ZNF184: variants seen among roughly 807,000 people sequenced by gnomAD.
ZNF184 encodes the protein zinc finger protein 184.
ZNF184 carries 16 observed loss-of-function variants against 54.4 expected under a neutral mutation model. That is an observed-to-expected ratio of 0.29 (90% CI 0.20 to 0.45). The LOEUF is 0.45. Among genes scored for constraint, ZNF184 ranks in the 20% least tolerant of loss-of-function variants. The pLI is 1.00. For missense variants in ZNF184, 681 were observed against 888.2 expected, an observed-to-expected ratio of 0.77 and a Z score of 2.97; for synonymous variants, 254 against 295.3, an observed-to-expected ratio of 0.86 and a Z score of 1.43.
the ZNF184 span, among the ~76,000 whole-genome samples, chr6:27,413,975 C>T: frequency 2.4e-3 from 363 of 152,274 alleles, 1 homozygote; most frequent in African/African-American, 6.1e-3. Context: ...TTTGAGATCT[C>T]AAGAACTACT....
chr6:27,411,579 CAA>C, the ZNF184 span, among the ~76,000 whole-genome samples: 1 of 152,310 alleles, frequency 6.6e-6, no homozygotes, highest in East Asian at 1.9e-4. Context: ...ATCTTTAATA[CAA>C]AGTCAATAAG....
chr6:27,435,779 C>T, the ZNF184 span, among the ~76,000 whole-genome samples: 11 of 152,126 alleles, frequency 7.2e-5, no homozygotes, highest in South Asian at 2.1e-4. Context: ...TTCAATAATG[C>T]TGTAGACCCA....
Position 27,453,322 on chromosome 6 carries a change from G to T in ZNF184, c.299-62C>A. 7.0e-7 allele frequency: 1 copy of T among 1,427,014 alleles called. No individual in the cohort carries two copies. Among genetic ancestry groups the T allele is most frequent in the African/African-American group, 1.4e-5 (1 of 69,886 alleles). The allele number at this position is 1,427,014 out of a possible 1,614,324, so 88.4% of individuals were successfully genotyped here. A position where few individuals can be genotyped will look rare whatever the true frequency, so the allele number is the denominator to read the frequency against. On this transcript the variant is annotated intron_variant, in intron 5 of 5. Transcript: ENST00000683788. This position sits in a 1 kb window ranked among gnomAD's most constrained non-coding sequence, Gnocchi z 4.7. ...GAGAAAAAATAAACTGCTATTGTGG[G>T]AATAATATAATGATACTGAAAAATA...
rs779933617 is a variant in ZNF184 at position 27,451,496 on chromosome 6, T to C, written c.2063A>G (p.His688Arg). The stretch of plus-strand genomic sequence containing the variant: ...TTTCTCTCCAGTATGAGTATTCTGA[T>C]GTTCAGTCAGATGAGTGCTCCGGCT... Reference protein sequence around the residue: ...AFSRSTHLTEHQNTHTGEKPY... With the variant: ...AFSRSTHLTERQNTHTGEKPY... The change falls in exon 6 of 6, where the codon CAT becomes CGT. Residue 688 changes from histidine to arginine, a missense_variant. By Grantham distance (29) the His-to-Arg change is conservative. Transcript: ENST00000683788. 1 of 1,614,204 alleles carries C rather than the reference T, an allele frequency of 6.2e-7. No individual in the cohort carries two copies. The highest frequency in any genetic ancestry group is 8.5e-7 in the Non-Finnish European group (1 of 1,180,014).
chr6:27,462,221 G>A (rs1037269567), intron 3 of ZNF184, among the ~76,000 whole-genome samples: 28 of 151,162 alleles, frequency 1.9e-4, no homozygotes, highest in African/African-American at 2.7e-4. Flanking sequence ...TTTTTGAGGC[G>A]GAGTTTCTCT....
chr6:27,439,442 G>T, the ZNF184 span, among the ~76,000 whole-genome samples: 1 of 152,142 alleles, frequency 6.6e-6, no homozygotes, highest in Non-Finnish European at 1.5e-5. Flanking sequence ...CCACGACATT[G>T]TCTGCTCCTG....
At chr6:27,411,088 A>C in the ZNF184 span, among the ~76,000 whole-genome samples, 1 of 152,186 alleles carries the variant, frequency 6.6e-6, no homozygotes, top group Non-Finnish European at 1.5e-5. Context: ...TAGAAGTCCA[A>C]TGTCAAGGCA....
the ZNF184 span, among the ~76,000 whole-genome samples, chr6:27,413,264 A>C: frequency 1.3e-5 from 2 of 152,074 alleles, no homozygotes; most frequent in Non-Finnish European, 2.9e-5. Context: ...TGTCTCAAAG[A>C]AAGAAAGAAA....
the ZNF184 span, among the ~76,000 whole-genome samples, chr6:27,411,170 G>T: frequency 2.6e-5 from 4 of 152,146 alleles, no homozygotes; most frequent in Non-Finnish European, 5.9e-5. Context: ...AACCTCCAGA[G>T]GGGACAAATG....
chr6:27,462,846 CAG>C (rs1763031812), intron 3 of ZNF184, among the ~76,000 whole-genome samples: 1 of 144,440 alleles, frequency 6.9e-6, no homozygotes, highest in African/African-American at 2.6e-5. Context: ...GCCTGGGCGA[CAG>C]AGTGAGACTC....
At chr6:27,442,866 GAAAGAAAGAAAGAAAA>G in the ZNF184 span, among the ~76,000 whole-genome samples, 6 of 60,304 alleles carry the variant, frequency 9.9e-5, no homozygotes, top group African/African-American at 3.5e-4. Flanking sequence ...AAGAAAGAAA[GAAAGAAAGAAAGAAAA>G]AGAAAAAAAG....
At chr6:27,454,866 G>A (rs1199221083) in intron 5 of ZNF184, among the ~76,000 whole-genome samples, 3 of 152,216 alleles carry the variant, frequency 2.0e-5, no homozygotes, top group Non-Finnish European at 4.4e-5. Context: ...GATGTCCCAT[G>A]TGTGGAGAAG....
At chr6:27,422,493 C>CA in the ZNF184 span, among the ~76,000 whole-genome samples, 636 of 148,392 alleles carry the variant, frequency 4.3e-3, 5 homozygotes, top group African/African-American at 0.013. Context: ...AACAAAACGA[C>CA]AAAAAAAAAA....
chr6:27,424,298 G>A, the ZNF184 span, among the ~76,000 whole-genome samples: 3 of 152,222 alleles, frequency 2.0e-5, no homozygotes, highest in South Asian at 2.1e-4. Flanking sequence ...TGAGCACAAA[G>A]AGTAAGCAGC....
chr6:27,422,717 A>G, the ZNF184 span, among the ~76,000 whole-genome samples: 3 of 152,122 alleles, frequency 2.0e-5, no homozygotes, highest in Non-Finnish European at 4.4e-5. Flanking sequence ...CCCAGAGGCA[A>G]ATCAGCACTA....
chr6:27,429,431 T>TC, the ZNF184 span, among the ~76,000 whole-genome samples: 1 of 152,214 alleles, frequency 6.6e-6, no homozygotes, highest in African/African-American at 2.4e-5. Flanking sequence ...TTAACCTATG[T>TC]CCCTCTCTGG....
the ZNF184 span, among the ~76,000 whole-genome samples, chr6:27,435,281 A>G: frequency 6.6e-6 from 1 of 152,156 alleles, no homozygotes; most frequent in Admixed American, 6.5e-5. Context: ...TTCCAATCCA[A>G]TGCAATGTCT....
At chr6:27,413,085 C>A in the ZNF184 span, among the ~76,000 whole-genome samples, 1 of 145,494 alleles carries the variant, frequency 6.9e-6, no homozygotes, top group African/African-American at 2.7e-5. Flanking sequence ...ATGGAGAAAC[C>A]CTGTCTCTAC....
chr6:27,446,423 T>G (rs1186967431), downstream of ZNF184, among the ~76,000 whole-genome samples: 1 of 152,194 alleles, frequency 6.6e-6, no homozygotes, highest in Non-Finnish European at 1.5e-5. Context: ...AGCTTGGCAG[T>G]GTCCATGTGG....
Sources: gnomAD v4.1 joint callset for allele counts (sites outside exome capture counted in the v4.1 genomes callset) on GRCh38, gnomAD v4.1.1 for gene constraint, Gnocchi (gnomAD v3.1) non-coding constraint, MANE v1.5 for transcripts, NCBI Gene and HGNC (gene_info 2026-07-23, HGNC 2026-07-21) for gene names.